Variants in DNAH3 observed in about 807,000 individuals in gnomAD.
DNAH3 encodes axonemal beta dynein heavy chain 3.
In DNAH3, 332 loss-of-function variants were observed where a neutral mutation model predicts 432.5. The ratio of observed to expected loss-of-function variants is 0.77; its 90% confidence interval spans 0.70 to 0.84. The LOEUF is 0.84. Among genes scored for constraint, DNAH3 ranks in the 40% least tolerant of loss-of-function variants. The probability of loss-of-function intolerance (pLI) is 0.00; values close to 1 mark genes in which losing one functional copy is unlikely to be tolerated. For synonymous variants in DNAH3, 1,956 were observed against 1,900.2 expected, an observed-to-expected ratio of 1.03 and a Z score of -0.76; for missense variants, 4,861 against 5,114.0, an observed-to-expected ratio of 0.95 and a Z score of 1.51.
chr16:20,942,269 G>A (rs868115926), intron 58 of DNAH3, among the ~76,000 whole-genome samples: 2 of 152,108 alleles, frequency 1.3e-5, no homozygotes, highest in Admixed American at 6.6e-5. Context: ...CTCAGTGCCC[G>A]TGACACCTGG....
intron 11 of DNAH3, among the ~76,000 whole-genome samples, chr16:21,117,550 C>T (rs1350660372): frequency 6.6e-6 from 1 of 152,186 alleles, no homozygotes; most frequent in East Asian, 1.9e-4. Context: ...TCTTTCAAAT[C>T]CCTGACCTTT....
At chr16:21,032,658 CA>C (rs2088946980) in intron 36 of DNAH3, among the ~76,000 whole-genome samples, 1 of 151,950 alleles carries the variant, frequency 6.6e-6, no homozygotes, top group African/African-American at 2.4e-5. Context: ...ACAAAAAATA[CA>C]AAAATTAGGC....
At chr16:21,035,788 T>C (rs1295341488) in intron 35 of DNAH3, among the ~76,000 whole-genome samples, 1 of 152,162 alleles carries the variant, frequency 6.6e-6, no homozygotes, top group Non-Finnish European at 1.5e-5. Flanking sequence ...GCTCACTTGC[T>C]AATACAGTAG....
At chr16:20,959,040 T>C in intron 54 of DNAH3, 139 bp downstream of exon 54, 1 of 829,354 alleles carries the variant, frequency 1.2e-6, no homozygotes, top group Admixed American at 2.4e-5. Context: ...AGTGCTGGGA[T>C]TACAGACATG....
chr16:21,096,351 C>T (rs539367895), intron 18 of DNAH3, among the ~76,000 whole-genome samples: 1 of 151,730 alleles, frequency 6.6e-6, no homozygotes, highest in South Asian at 2.1e-4. Flanking sequence ...AGGCTGGTCT[C>T]GAACTCCTGG....
chr16:21,130,261 G>A (rs902855223), intron 7 of DNAH3, among the ~76,000 whole-genome samples: 2 of 151,326 alleles, frequency 1.3e-5, no homozygotes, highest in Non-Finnish European at 2.9e-5. Context: ...GGCTGGATAA[G>A]GAAGAGCGGA....
intron 50 of DNAH3, among the ~76,000 whole-genome samples, chr16:20,978,662 T>C (rs1387844109): frequency 6.6e-6 from 1 of 152,154 alleles, no homozygotes; most frequent in Non-Finnish European, 1.5e-5. Context: ...GCCTCCCAAG[T>C]AGTTGAGACT....
chr16:21,085,009 G>C (rs77122653), intron 19 of DNAH3, among the ~76,000 whole-genome samples: 8 of 148,820 alleles, frequency 5.4e-5, no homozygotes, highest in Admixed American at 4.1e-4. Flanking sequence ...GGCTGGGTCC[G>C]TAGAGAGAGG....
At chr16:21,122,720 T>C (rs2092369729) in intron 9 of DNAH3, among the ~76,000 whole-genome samples, 1 of 152,206 alleles carries the variant, frequency 6.6e-6, no homozygotes, top group Non-Finnish European at 1.5e-5. Flanking sequence ...GCTAAAACAT[T>C]TCTTCCTTTG....
chr16:21,025,217 G>C (rs957642380), intron 38 of DNAH3, among the ~76,000 whole-genome samples: 1 of 152,034 alleles, frequency 6.6e-6, no homozygotes, highest in Non-Finnish European at 1.5e-5. Context: ...TGGGATTACA[G>C]GTGTGAGCCA....
At chr16:20,948,778 G>A in intron 56 of DNAH3, 141 bp from the exon 57 acceptor site, 1 of 887,512 alleles carries the variant, frequency 1.1e-6, no homozygotes. Context: ...GAAAATTCCG[G>A]GCAGAAGATG....
At chr16:21,022,008 A>G in exon 40 of DNAH3, 1 of 1,614,012 alleles carries the variant, frequency 6.2e-7, no homozygotes, top group Non-Finnish European at 8.5e-7. Context: ...TTGAGAAGGC[A>G]AGGTGGATGG....
chr16:20,952,339 G>T, intron 56 of DNAH3, 94 bp downstream of exon 56: 1 of 756,458 alleles, frequency 1.3e-6, no homozygotes, highest in South Asian at 1.5e-5. Context: ...AGGGAGGGAG[G>T]GAGTACATAA....
chr16:20,980,010 A>G (rs1234212028), intron 49 of DNAH3, among the ~76,000 whole-genome samples: 1 of 151,146 alleles, frequency 6.6e-6, no homozygotes, highest in East Asian at 1.9e-4. Flanking sequence ...TTGGCCTCCC[A>G]AAGTGCTGGG....
intron 61 of DNAH3, among the ~76,000 whole-genome samples, chr16:20,935,088 G>A (rs1191588861): frequency 1.3e-5 from 2 of 152,128 alleles, no homozygotes; most frequent in African/African-American, 2.4e-5. Flanking sequence ...GAGTGGGAGA[G>A]TGCCTTCATT....
Position 20,948,624 on chromosome 16 carries a change from G to T in DNAH3, c.11202C>A (p.Tyr3734Ter), listed in dbSNP as rs563157243. The stretch of plus-strand genomic sequence containing the variant: ...CTTTGTCATCAGTCACTCTGCCTCC[G>T]TAATTACATTCCCCTGGGGACAACC... The change falls in exon 57 of 62, where the codon TAC becomes TAA. Residue 3734 changes from tyrosine to a stop codon, truncating the protein, a stop_gained. Coordinates refer to ENST00000261383, the Ensembl canonical transcript of DNAH3. LOFTEE classifies it high-confidence loss of function. 5.6e-6 allele frequency: 9 copies of T among 1,614,010 alleles called. No individual in the cohort carries two copies. Among genetic ancestry groups the T allele is most frequent in the Non-Finnish European group, 7.6e-6 (9 of 1,180,016 alleles).
In DNAH3 at chr16:21,158,085, C is replaced by T. The variant is rs184781561; in HGVS notation, c.117+1240G>A. On this transcript the variant is annotated intron_variant, in intron 1 of 61. Coordinates refer to ENST00000261383, the Ensembl canonical transcript of DNAH3. ...GATTTGGGGCCAGGGGAAACAGGGG[C>T]TCCTGCTCCGACTTGGATCCATGCA... Among the ~76,000 whole-genome samples the T allele has an allele frequency of 2.4e-4, 36 of 152,294 alleles. 1 individual carries two copies. The South Asian group carries it at 3.9e-3, about 17-fold the overall frequency.
At chr16:21,135,456 G>A (rs2092629073) in intron 6 of DNAH3, among the ~76,000 whole-genome samples, 1 of 152,188 alleles carries the variant, frequency 6.6e-6, no homozygotes, top group African/African-American at 2.4e-5. Flanking sequence ...ACTTTGAGAG[G>A]CTGAGGTGGG....
chr16:20,947,073 C>A (rs557867892), intron 57 of DNAH3, among the ~76,000 whole-genome samples: 4 of 152,138 alleles, frequency 2.6e-5, no homozygotes. Context: ...CATCCACCAG[C>A]CTCAGCCTCC....
Sources: gnomAD v4.1 joint callset for allele counts (sites outside exome capture counted in the v4.1 genomes callset) on GRCh38, gnomAD v4.1.1 for gene constraint, MANE v1.5 for transcripts, NCBI Gene and HGNC (gene_info 2026-07-23, HGNC 2026-07-21) for gene names.